Variants in GGNBP2 observed in about 807,000 individuals in gnomAD.
The protein encoded by GGNBP2 is gametogenetin-binding protein 2.
Under a neutral mutation model 85.9 loss-of-function variants are expected in GGNBP2, and 10 were observed. The ratio of observed to expected loss-of-function variants is 0.12; its 90% CI spans 0.07 to 0.20. The LOEUF (loss-of-function observed/expected upper bound fraction) is 0.20, where lower values mean the gene tolerates loss of function less well. Among genes scored for constraint, GGNBP2 ranks in the 10% least tolerant of loss-of-function variants. GGNBP2 has a pLI of 1.00. For missense variants in GGNBP2, 595 were observed against 857.8 expected (o/e 0.69, Z 3.83); for synonymous variants, 287 against 285.7 (o/e 1.00, Z -0.05).
rs576418547 is a variant in GGNBP2 at position 36,582,713 on chromosome 17, TCTTTAC to T, written c.1215+1178_1215+1183del. Among the ~76,000 whole-genome samples the T allele has an allele frequency of 2.0e-5, 3 of 152,332 alleles. No homozygotes were observed. The East Asian group carries it at 5.8e-4, about 29-fold the overall frequency. The stretch of plus-strand genomic sequence containing the variant: ...ATTAAGACAATGTTGAGTAGTTATC[TCTTTAC>T]CTGACTTTAATGTATTATTAGATCA... On this transcript the variant is annotated intron_variant, in intron 9 of 13. Transcript: ENST00000613102.
chr17:36,563,092 C>T (rs1351289904), intron 5 of GGNBP2, among the ~76,000 whole-genome samples: 2 of 150,878 alleles, frequency 1.3e-5, no homozygotes, highest in African/African-American at 4.9e-5. Context: ...ATGGTGAAAC[C>T]CTGTCTCTAC....
At chr17:36,554,947 A>G (rs779093465) in intron 3 of GGNBP2, 47 bp downstream of exon 3, 2 of 1,119,162 alleles carry the variant, frequency 1.8e-6, no homozygotes, top group Non-Finnish European at 2.7e-6. Context: ...TGTGTATTTT[A>G]AAGACTCATT....
chr17:36,569,677 C>CT (rs773904262), intron 6 of GGNBP2, among the ~76,000 whole-genome samples: 4 of 152,212 alleles, frequency 2.6e-5, no homozygotes, highest in Non-Finnish European at 5.9e-5. Flanking sequence ...CTTTCTTTGC[C>CT]TTTTTGGTGG....
intron 6 of GGNBP2, among the ~76,000 whole-genome samples, chr17:36,572,494 G>T (rs1056962019): frequency 6.6e-6 from 1 of 152,186 alleles, no homozygotes; most frequent in Non-Finnish European, 1.5e-5. Flanking sequence ...TTCAAGACTA[G>T]CCTGGGCAAC....
Position 36,586,046 on chromosome 17 carries a change from G to T in GGNBP2, c.1493-4G>T, listed in dbSNP as rs759467336. On this transcript the variant is annotated splice_region_variant and splice_polypyrimidine_tract_variant and intron_variant, in intron 11 of 13. Transcript: ENST00000613102. Reference sequence around the variant, plus strand: ...TAAATAAGAAGGATTATTGATTTCTGCAGGTGATGACTCTTGTGTTCATCA... The same window carrying T: ...TAAATAAGAAGGATTATTGATTTCTTCAGGTGATGACTCTTGTGTTCATCA... 5 of 1,613,432 alleles carry T rather than the reference G, an allele frequency of 3.1e-6. No individual in the cohort carries two copies. The East Asian group carries it at 1.1e-4, about 36-fold the overall frequency.
chr17:36,588,338 A>G (rs1018935998), intron 13 of GGNBP2, among the ~76,000 whole-genome samples: 1 of 151,474 alleles, frequency 6.6e-6, no homozygotes, highest in African/African-American at 2.4e-5. Context: ...GCTAATCGCA[A>G]CCTCCGCCTC....
chr17:36,586,838 T>C (rs987372179), intron 12 of GGNBP2, 159 bp from the exon 13 acceptor site: 20 of 675,376 alleles, frequency 3.0e-5, no homozygotes, highest in African/African-American at 1.1e-4. Flanking sequence ...AGGCTGGTCT[T>C]GAACACTTGA....
At chr17:36,550,366 C>T (rs1461444511) in intron 2 of GGNBP2, among the ~76,000 whole-genome samples, 3 of 151,568 alleles carry the variant, frequency 2.0e-5, no homozygotes, top group Middle Eastern at 3.4e-3. Context: ...CAGCATTAAT[C>T]TGGTAAGAGT....
chr17:36,561,776 A>T (rs1348810010), intron 5 of GGNBP2, among the ~76,000 whole-genome samples: 1 of 151,914 alleles, frequency 6.6e-6, no homozygotes, highest in African/African-American at 2.4e-5. Context: ...GGTGCGTGCC[A>T]CCAAGCCCGG....
chr17:36,561,834 A>C (rs1441314206), intron 5 of GGNBP2, among the ~76,000 whole-genome samples: 3 of 152,074 alleles, frequency 2.0e-5, no homozygotes, highest in Non-Finnish European at 4.4e-5. Flanking sequence ...CGTGTTAGCC[A>C]GGATGGTCTC....
intron 2 of GGNBP2, among the ~76,000 whole-genome samples, chr17:36,554,516 C>T (rs35915570): frequency 0.31 from 46,888 of 151,220 alleles, 8,482 homozygotes; most frequent in Non-Finnish European, 0.41. Context: ...TACAGGCATG[C>T]GCCACCAAAC....
At chr17:36,555,540 A>C (rs1022200256) in intron 3 of GGNBP2, among the ~76,000 whole-genome samples, 15 of 152,166 alleles carry the variant, frequency 9.9e-5, no homozygotes, top group Non-Finnish European at 2.2e-4. Context: ...CAGAAAATGC[A>C]AAAAAGTTGG....
chr17:36,565,547 CTTGAGT>C (rs1426850570), intron 5 of GGNBP2, among the ~76,000 whole-genome samples: 2 of 151,570 alleles, frequency 1.3e-5, no homozygotes, highest in Admixed American at 1.3e-4. Context: ...ATTATGAGAG[CTTGAGT>C]TTGAGAGTTT....
At chr17:36,575,272 T>G in intron 6 of GGNBP2, 2 of 579,572 alleles carry the variant, frequency 3.5e-6, no homozygotes, top group Non-Finnish European at 6.3e-6. Context: ...AGCCACTGCA[T>G]TTCCCCATCC....
chr17:36,589,455 C>G lies in GGNBP2; in HGVS notation c.*44C>G, dbSNP rs1162635833. The G allele has an allele frequency of 7.0e-7, 1 of 1,420,058 alleles. No homozygotes were observed. The highest frequency in any genetic ancestry group is 1.4e-5 in the African/African-American group (1 of 70,696). The allele number at this position is 1,420,058 out of a possible 1,614,324, so 88.0% of individuals were successfully genotyped here. A position where few individuals can be genotyped will look rare whatever the true frequency, so the allele number is the denominator to read the frequency against. On this transcript the variant is annotated 3_prime_UTR_variant, in exon 14 of 14. Coordinates refer to ENST00000613102, the MANE Select transcript of GGNBP2 (RefSeq NM_024835.5). ...TCTTTCAATGAAACACTCACGATGA[C>G]TACTGCGCCTTCTCTTTCGAAAAAC...
rs748055064 is a variant in GGNBP2 at position 36,579,385 on chromosome 17, A to C, written c.986A>C (p.Tyr329Ser). 2 of 1,614,224 alleles carry C rather than the reference A, an allele frequency of 1.2e-6. No homozygotes were observed. The change falls in exon 8 of 14, where the codon TAT (tyrosine) becomes TCT (serine). Residue 329 changes from tyrosine to serine, a missense_variant. Around this residue, in one of 9 missense-constraint regions of GGNBP2, gnomAD observed 92 missense variants for 183.9 expected, o/e 0.50. Coordinates refer to ENST00000613102, the MANE Select transcript of GGNBP2 (RefSeq NM_024835.5). ...AEEQTWQMLF[Y>S]LGVDALRKSF... is the part of the protein sequence containing the mutation. ...GAGCAGACATGGCAGATGCTTTTCTATCTTGGTGTTGATGCTTTACGCAAG... is the reference window on the plus strand; with the variant it reads ...GAGCAGACATGGCAGATGCTTTTCTCTCTTGGTGTTGATGCTTTACGCAAG...
chr17:36,589,098 A>T, intron 13 of GGNBP2, 110 bp from the exon 14 acceptor site: 1 of 720,412 alleles, frequency 1.4e-6, no homozygotes, highest in Non-Finnish European at 2.4e-6. Flanking sequence ...GCTTTATGTG[A>T]CTGATGTGAA....
At chr17:36,566,199 T>A (rs1567824470) in intron 5 of GGNBP2, among the ~76,000 whole-genome samples, 1 of 152,156 alleles carries the variant, frequency 6.6e-6, no homozygotes, top group Non-Finnish European at 1.5e-5. Context: ...TTCAGAATCA[T>A]GAAAAATCAA....
intron 2 of GGNBP2, 61 bp downstream of exon 2, chr17:36,545,878 C>G (rs1294611690): frequency 8.2e-7 from 1 of 1,215,504 alleles, no homozygotes; most frequent in Admixed American, 2.1e-5. Flanking sequence ...CCCTCCTCCC[C>G]CTCCCCCAGG....
Sources: allele counts gnomAD v4.1 joint callset (sites outside exome capture counted in the v4.1 genomes callset), GRCh38; gene constraint gnomAD v4.1.1; regional missense constraint gnomAD v4.1.1; transcripts MANE v1.5; gene names NCBI Gene and HGNC (gene_info 2026-07-23, HGNC 2026-07-21).